AUTS2: variants seen among roughly 807,000 people sequenced by gnomAD.
AUTS2 encodes the protein autism susceptibility gene 2 protein.
A neutral mutation model predicts 112.4 loss-of-function variants in AUTS2; 17 were observed. The observed-to-expected ratio is 0.15, with a 90% CI of 0.10 to 0.23. The LOEUF is 0.23. AUTS2 is among the 10% of genes least tolerant of loss of function. The pLI is 1.00. For synonymous variants in AUTS2, 751 were observed against 702.7 expected (o/e 1.07, Z -1.09); for missense variants, 1,510 against 1,701.6 (o/e 0.89, Z 1.98).
At chr7:70,472,298 C>T (rs1425865902) in intron 5 of AUTS2, among the ~76,000 whole-genome samples, 2 of 151,514 alleles carry the variant, frequency 1.3e-5, no homozygotes, top group Non-Finnish European at 2.9e-5. Context: ...CTAGCCATGT[C>T]TAATTTATAT....
chr7:70,665,465 A>ATTTATTTATTTG (rs1807293258), intron 5 of AUTS2, among the ~76,000 whole-genome samples: 1 of 151,062 alleles, frequency 6.6e-6, no homozygotes, highest in Non-Finnish European at 1.5e-5. Flanking sequence ...TTATTTATTT[A>ATTTATTTATTTG]TTTATTTATT....
At chr7:70,536,438 G>T (rs1800319824) in intron 5 of AUTS2, among the ~76,000 whole-genome samples, 1 of 152,110 alleles carries the variant, frequency 6.6e-6, no homozygotes, top group South Asian at 2.1e-4. Flanking sequence ...TGGAAGAGAA[G>T]ATTTCATGGC....
chr7:70,378,542 G>A (rs995971402), intron 4 of AUTS2, among the ~76,000 whole-genome samples: 4 of 152,212 alleles, frequency 2.6e-5, no homozygotes, highest in Admixed American at 6.5e-5. Context: ...TATGTTATCT[G>A]TGTGCTACAG....
intron 4 of AUTS2, among the ~76,000 whole-genome samples, chr7:70,385,546 G>T (rs1793570244): frequency 6.6e-6 from 1 of 152,108 alleles, no homozygotes; most frequent in South Asian, 2.1e-4. Flanking sequence ...AAGCAAATTA[G>T]AAAATAGTCT....
At chr7:70,753,918 A>G (rs1789019949) in intron 6 of AUTS2, among the ~76,000 whole-genome samples, 2 of 152,158 alleles carry the variant, frequency 1.3e-5, no homozygotes, top group South Asian at 4.1e-4. Flanking sequence ...GCACTTTGGG[A>G]GGCCGAGGCG....
chr7:69,958,544 C>G (rs1317780963), intron 2 of AUTS2, among the ~76,000 whole-genome samples: 11 of 152,116 alleles, frequency 7.2e-5, no homozygotes, highest in Admixed American at 7.2e-4. Context: ...ACATTTACTT[C>G]TTAGGTCTCT....
chr7:70,464,284 A>C (rs1797088315), intron 5 of AUTS2, among the ~76,000 whole-genome samples: 1 of 152,200 alleles, frequency 6.6e-6, no homozygotes, highest in African/African-American at 2.4e-5. Flanking sequence ...ATTCTCTAAG[A>C]GCTCCTAGCC....
At chr7:70,187,418 C>G (rs76842659) in intron 4 of AUTS2, among the ~76,000 whole-genome samples, 2,435 of 152,236 alleles carry the variant, frequency 0.016, 23 homozygotes, top group Middle Eastern at 0.031. Context: ...ATCATTCATG[C>G]TGGCCTCTGG....
intron 5 of AUTS2, among the ~76,000 whole-genome samples, chr7:70,486,093 T>C (rs1410180115): frequency 6.6e-6 from 1 of 152,070 alleles, no homozygotes; most frequent in Non-Finnish European, 1.5e-5. Context: ...TTGATGACAT[T>C]AGGAAAAATA....
At chr7:70,610,992 C>G (rs541824595) in intron 5 of AUTS2, among the ~76,000 whole-genome samples, 3 of 152,158 alleles carry the variant, frequency 2.0e-5, no homozygotes, top group Non-Finnish European at 4.4e-5. Context: ...TAGTTTGATG[C>G]AATCCTATTT....
intron 5 of AUTS2, among the ~76,000 whole-genome samples, chr7:70,482,950 C>T (rs929966202): frequency 2.0e-5 from 3 of 152,044 alleles, no homozygotes; most frequent in Admixed American, 6.6e-5. Flanking sequence ...GAACTCAAAG[C>T]GGTTGGGACA....
intron 5 of AUTS2, among the ~76,000 whole-genome samples, chr7:70,615,849 G>C (rs140275062): frequency 1.3e-5 from 2 of 151,960 alleles, no homozygotes; most frequent in African/African-American, 4.8e-5. Flanking sequence ...AGAATCAAGC[G>C]ATTCTCCACC....
chr7:70,256,571 G>C (rs1786882160), intron 4 of AUTS2, among the ~76,000 whole-genome samples: 1 of 152,160 alleles, frequency 6.6e-6, no homozygotes, highest in Non-Finnish European at 1.5e-5. Flanking sequence ...TGTCTGTCAG[G>C]GCTGCCCCAG....
At position 70,444,154 on chromosome 7, in the gene AUTS2, C is replaced by G. The variant is rs116735951; in HGVS notation, c.690+8373C>G. Among the ~76,000 whole-genome samples the G allele has an allele frequency of 2.6e-3, 389 of 152,256 alleles. 2 individuals are homozygous for G. Among genetic ancestry groups the G allele is most frequent in the African/African-American group, 8.7e-3 (361 of 41,550 alleles). ...AAATTGACCATGAGCCCTGAGCCACCTGAATACCAGGAGGGTCATGAGCAG... is the reference window on the plus strand; with the variant it reads ...AAATTGACCATGAGCCCTGAGCCACGTGAATACCAGGAGGGTCATGAGCAG... On this transcript the variant is annotated intron_variant, in intron 5 of 18. Coordinates refer to ENST00000342771, the MANE Select transcript of AUTS2 (RefSeq NM_015570.4).
At chr7:70,491,462 A>ATATATACACATAATATATATGT (rs1562989951) in intron 5 of AUTS2, among the ~76,000 whole-genome samples, 9 of 86,494 alleles carry the variant, frequency 1.0e-4, no homozygotes, top group African/African-American at 3.1e-4. Flanking sequence ...TATATATGTT[A>ATATATACACATAATATATATGT]TATATACACA....
At chr7:70,229,044 TTA>T (rs1320084081) in intron 4 of AUTS2, among the ~76,000 whole-genome samples, 1 of 151,878 alleles carries the variant, frequency 6.6e-6, no homozygotes, top group African/African-American at 2.4e-5. Flanking sequence ...TCTTTCTATA[TTA>T]TATGTCCTAC....
intron 5 of AUTS2, among the ~76,000 whole-genome samples, chr7:70,580,516 A>C (rs969899958): frequency 6.6e-6 from 1 of 151,986 alleles, no homozygotes; most frequent in Non-Finnish European, 1.5e-5. Flanking sequence ...CTGTGGAAAA[A>C]CAGTTCCGAA....
chr7:69,893,480 C>T (rs1461825692), intron 1 of AUTS2, among the ~76,000 whole-genome samples: 3 of 152,164 alleles, frequency 2.0e-5, no homozygotes, highest in African/African-American at 7.2e-5. Flanking sequence ...AGGACACAGC[C>T]ATTATGTCAT....
chr7:70,735,633 A>T (rs1414919224), intron 6 of AUTS2, among the ~76,000 whole-genome samples: 1 of 152,140 alleles, frequency 6.6e-6, no homozygotes, highest in Non-Finnish European at 1.5e-5. Context: ...CTTTCCCTGG[A>T]ACTGAAGCAT....
Sources: gnomAD v4.1 joint callset for allele counts (sites outside exome capture counted in the v4.1 genomes callset) on GRCh38, gnomAD v4.1.1 for gene constraint, MANE v1.5 for transcripts, NCBI Gene and HGNC (gene_info 2026-07-23, HGNC 2026-07-21) for gene names.